NCAM1: variants seen among roughly 807,000 people sequenced by gnomAD.
The protein encoded by NCAM1 is neural cell adhesion molecule 1.
NCAM1 carries 14 observed loss-of-function variants against 109.8 expected under a neutral mutation model. The ratio of observed to expected loss-of-function variants is 0.13; its 90% CI spans 0.08 to 0.20. NCAM1 has a LOEUF of 0.20. Among genes scored for constraint, NCAM1 ranks in the 10% least tolerant of loss-of-function variants. The pLI is 1.00. For synonymous variants in NCAM1, 418 were observed against 442.9 expected (o/e 0.94, Z 0.70); for missense variants, 774 against 1,109.9 (o/e 0.70, Z 4.30).
chr11:113,216,351 AC>A (rs1239500340), intron 8 of NCAM1, among the ~76,000 whole-genome samples: 1 of 151,392 alleles, frequency 6.6e-6, no homozygotes, highest in Non-Finnish European at 1.5e-5. Flanking sequence ...ACGGGGTTTC[AC>A]CGTGTTAGCC....
rs1054162948 is a variant in NCAM1 at position 113,113,868 on chromosome 11, G to A, written c.53-88511G>A. ...TTAAAATCAACCTTGTGTTTGACACGATCAATGGATGGAGATCCAGGAAGA... is the reference window on the plus strand; with the variant it reads ...TTAAAATCAACCTTGTGTTTGACACAATCAATGGATGGAGATCCAGGAAGA... On this transcript the variant is annotated intron_variant, in intron 1 of 19. Transcript: ENST00000316851. Among the ~76,000 whole-genome samples the A allele has an allele frequency of 3.3e-5, 5 of 152,096 alleles. No homozygotes were observed. The South Asian group carries it at 8.3e-4, about 25-fold the overall frequency.
chr11:113,008,837 C>T (rs941066534), intron 1 of NCAM1, among the ~76,000 whole-genome samples: 7 of 152,202 alleles, frequency 4.6e-5, no homozygotes, highest in African/African-American at 1.7e-4. Flanking sequence ...CTTCCTTAAA[C>T]TCTGGCATTT....
chr11:113,027,116 A>G (rs1472633353), intron 1 of NCAM1, among the ~76,000 whole-genome samples: 1 of 152,252 alleles, frequency 6.6e-6, no homozygotes, highest in Admixed American at 6.5e-5. Flanking sequence ...CAAAGAAATC[A>G]ATATGACTCA....
chr11:112,965,223 G>GAAGT (rs1950699469), intron 1 of NCAM1, among the ~76,000 whole-genome samples: 2 of 149,688 alleles, frequency 1.3e-5, no homozygotes, highest in African/African-American at 4.9e-5. Flanking sequence ...GATAGTTCAA[G>GAAGT]AATTAAGATA....
intron 1 of NCAM1, among the ~76,000 whole-genome samples, chr11:113,031,054 T>C (rs1591264835): frequency 6.6e-6 from 1 of 152,202 alleles, no homozygotes; most frequent in East Asian, 1.9e-4. Context: ...CACTGAATTG[T>C]TGCTTCTAGT....
chr11:113,022,082 C>T (rs1336363624), intron 1 of NCAM1, among the ~76,000 whole-genome samples: 1 of 152,160 alleles, frequency 6.6e-6, no homozygotes, highest in East Asian at 1.9e-4. Flanking sequence ...AGTCCACCCA[C>T]CCTAAATTTG....
At chr11:113,107,366 C>T (rs1403117130) in intron 1 of NCAM1, among the ~76,000 whole-genome samples, 4 of 152,064 alleles carry the variant, frequency 2.6e-5, no homozygotes, top group Admixed American at 6.5e-5. Context: ...CCAGGCTTTT[C>T]GAGTAAGTAT....
chr11:113,113,909 G>A (rs530195022), intron 1 of NCAM1, among the ~76,000 whole-genome samples: 1 of 152,290 alleles, frequency 6.6e-6, no homozygotes, highest in South Asian at 2.1e-4. Flanking sequence ...GGTGCTTTAG[G>A]ATTTCACTTC....
intron 17 of NCAM1, among the ~76,000 whole-genome samples, chr11:113,261,999 G>C (rs1946016762): frequency 2.0e-5 from 3 of 152,170 alleles, no homozygotes; most frequent in African/African-American, 7.2e-5. Flanking sequence ...GCCAGAGAGG[G>C]CTGGGGGATT....
intron 15 of NCAM1, 37 bp from the exon 16 acceptor site, chr11:113,255,840 G>T: frequency 6.2e-7 from 1 of 1,608,394 alleles, no homozygotes; most frequent in Non-Finnish European, 8.5e-7. Flanking sequence ...TTCATTCTGT[G>T]GATGAGAATT....
At chr11:113,102,526 C>CA (rs1939921757) in intron 1 of NCAM1, among the ~76,000 whole-genome samples, 1 of 152,144 alleles carries the variant, frequency 6.6e-6, no homozygotes, top group Non-Finnish European at 1.5e-5. Flanking sequence ...ACATTTATCC[C>CA]AGCCATTGTC....
At chr11:113,019,365 C>T (rs528324316) in intron 1 of NCAM1, among the ~76,000 whole-genome samples, 2 of 152,274 alleles carry the variant, frequency 1.3e-5, no homozygotes, top group South Asian at 2.1e-4. Flanking sequence ...AATAGCCTTC[C>T]GAGGAGCTCG....
intron 17 of NCAM1, chr11:113,263,871 T>G (rs1946074206): frequency 1.0e-6 from 1 of 985,426 alleles, no homozygotes; most frequent in African/African-American, 1.7e-5. Context: ...ACTCCCAGAC[T>G]GCCCAGCCCA....
In NCAM1 at chr11:113,270,413, C is replaced by T. The variant is rs782381470; in HGVS notation, c.2339+18C>T. 1.2e-6 allele frequency: 2 copies of T among 1,613,012 alleles called. No homozygotes were observed. The highest frequency in any genetic ancestry group is 2.2e-5 in the East Asian group (1 of 44,882). On this transcript the variant is annotated intron_variant, in intron 18 of 19. Transcript: ENST00000316851. Reference sequence around the variant, plus strand: ...GCCTTCTCGTGAGTGCAGACCTGTCCACCTTGCTGAGGTTTGGGCTCTGCT... The same window carrying T: ...GCCTTCTCGTGAGTGCAGACCTGTCTACCTTGCTGAGGTTTGGGCTCTGCT...
chr11:113,072,827 T>TTA (rs1565419187), intron 1 of NCAM1, among the ~76,000 whole-genome samples: 1 of 151,636 alleles, frequency 6.6e-6, no homozygotes, highest in African/African-American at 2.4e-5. Flanking sequence ...TTTTTTATTT[T>TTA]TTTTTTCATT....
chr11:113,274,338 G>A lies in NCAM1; in HGVS notation c.2457-929G>A, dbSNP rs1946361206. 6.6e-6 allele frequency among the ~76,000 whole-genome samples: 1 copy of A among 152,174 alleles called. No individual in the cohort carries two copies. Among genetic ancestry groups the A allele is most frequent in the Non-Finnish European group, 1.5e-5 (1 of 68,038 alleles). On this transcript the variant is annotated intron_variant, in intron 19 of 19. Transcript: ENST00000316851. The surrounding 1 kb of genome is among the most constrained non-coding windows in gnomAD (Gnocchi z 4.1). ...CTCCCCAGCATCAAATGGCTGCTGGGTCTCAAAGTTCAAGAGAAAGGCCTT... is the reference window on the plus strand; with the variant it reads ...CTCCCCAGCATCAAATGGCTGCTGGATCTCAAAGTTCAAGAGAAAGGCCTT...
At chr11:113,055,147 C>T (rs1555082335) in intron 1 of NCAM1, among the ~76,000 whole-genome samples, 1 of 152,150 alleles carries the variant, frequency 6.6e-6, no homozygotes, top group African/African-American at 2.4e-5. Context: ...TTTGCTTTCT[C>T]TGAGGAAAAT....
At chr11:113,032,711 T>C (rs1348733816) in intron 1 of NCAM1, among the ~76,000 whole-genome samples, 1 of 152,186 alleles carries the variant, frequency 6.6e-6, no homozygotes, top group Non-Finnish European at 1.5e-5. Flanking sequence ...CTTTGAGAAG[T>C]GTTCGAGACT....
intron 4 of NCAM1, 112 bp downstream of exon 4, chr11:113,205,778 C>A: frequency 7.1e-7 from 1 of 1,412,744 alleles, no homozygotes; most frequent in Non-Finnish European, 9.6e-7. Flanking sequence ...TGTGCCCGAA[C>A]CCTCATGTGG....
Sources: allele counts gnomAD v4.1 joint callset (sites outside exome capture counted in the v4.1 genomes callset), GRCh38; gene constraint gnomAD v4.1.1; non-coding constraint Gnocchi (gnomAD v3.1); transcripts MANE v1.5; gene names NCBI Gene and HGNC (gene_info 2026-07-23, HGNC 2026-07-21).